CHL1: variants seen among roughly 807,000 people sequenced by gnomAD.
CHL1 encodes the protein cell adhesion molecule L1 like.
A neutral mutation model predicts 141.9 loss-of-function variants in CHL1; 96 were observed. The ratio of observed to expected loss-of-function variants is 0.68; its 90% CI spans 0.57 to 0.80. The LOEUF (loss-of-function observed/expected upper bound fraction) is 0.80. CHL1 is among the 30% of genes least tolerant of loss of function. CHL1 has a pLI of 0.00. For synonymous variants in CHL1, 613 were observed against 502.2 expected, an observed-to-expected ratio of 1.22 and a Z score of -2.95; for missense variants, 1,820 against 1,457.2, an observed-to-expected ratio of 1.25 and a Z score of -4.05.
chr3:390,784 G>T lies in CHL1; in HGVS notation c.2554G>T (p.Asp852Tyr), dbSNP rs1708155070. Residue 852 changes from aspartate (D) to tyrosine (Y), a missense_variant, in exon 21 of 28, where the codon GAC (aspartate) becomes TAC (tyrosine). Physicochemically the swap from Asp to Tyr is radical, Grantham distance 160 (BLOSUM62 -3). Transcript: ENST00000256509. ...AGTTACCTGGTCAACAGTTCCAAAG[G>T]ACAGAGTACATGGACGTCTGAAAGG... ...VKVTWSTVPK[D>Y]RVHGRLKGYQ... The T allele has an allele frequency of 1.2e-6, 2 of 1,610,870 alleles. No individual in the cohort carries two copies. The highest frequency in any genetic ancestry group is 1.7e-5 in the Admixed American group (1 of 60,012).
At chr3:283,815 C>T (rs902678234) in intron 2 of CHL1, among the ~76,000 whole-genome samples, 22 of 152,128 alleles carry the variant, frequency 1.4e-4, no homozygotes, top group Admixed American at 1.0e-3. Context: ...TAAAAACATC[C>T]GTGGGGGAAA....
intron 5 of CHL1, among the ~76,000 whole-genome samples, chr3:337,316 G>A (rs11923228): frequency 8.7e-5 from 13 of 150,144 alleles, no homozygotes; most frequent in Non-Finnish European, 1.8e-4. Context: ...TCAGCCTCCC[G>A]AGTAGCTGGG....
chr3:256,008 A>C (rs972810329), intron 2 of CHL1, among the ~76,000 whole-genome samples: 1 of 150,934 alleles, frequency 6.6e-6, no homozygotes, highest in African/African-American at 2.4e-5. Flanking sequence ...CCTGGGATTC[A>C]TGCTCCCATT....
At chr3:374,359 G>C (rs946320772) in intron 15 of CHL1, among the ~76,000 whole-genome samples, 1 of 152,104 alleles carries the variant, frequency 6.6e-6, no homozygotes, top group African/African-American at 2.4e-5. Flanking sequence ...CCGCTGATCT[G>C]CCAACTGCTC....
At chr3:342,898 A>T in intron 7 of CHL1, 86 bp from the exon 8 acceptor site, 1 of 1,103,020 alleles carries the variant, frequency 9.1e-7, no homozygotes, top group Non-Finnish European at 1.3e-6. Context: ...TAATTTTTCT[A>T]AGACAAAAAT....
At position 378,875 on chromosome 3, in the gene CHL1, A is replaced by C. The variant is rs1200156713; in HGVS notation, c.1876+933A>C. ...CTGAACATCCTGCCCACATCTTTTT[A>C]AAGACGTTTTATTAAAACATTTTGG... On this transcript the variant is annotated intron_variant, in intron 16 of 27. Transcript: ENST00000256509. Among the ~76,000 whole-genome samples the C allele has an allele frequency of 2.6e-5, 4 of 152,218 alleles. No individual in the cohort carries two copies. In the East Asian group the frequency reaches 7.7e-4, roughly 29 times the overall value.
chr3:344,241 A>T (rs950120939), intron 8 of CHL1, among the ~76,000 whole-genome samples: 19 of 152,218 alleles, frequency 1.2e-4, no homozygotes, highest in African/African-American at 4.1e-4. Flanking sequence ...AAACATAAAC[A>T]TAAAGTCATT....
chr3:396,110 T>C lies in CHL1; in HGVS notation c.3094+1238T>C, dbSNP rs145840083. Among the ~76,000 whole-genome samples, 207 of 152,264 alleles carry C rather than the reference T, an allele frequency of 1.4e-3. 1 individual carries two copies. The highest frequency in any genetic ancestry group is 4.4e-3 in the African/African-American group (183 of 41,562). ...TGGGAAAATTGTATAATCCAAATAA[T>C]TACTTCCCTAAAACTCACAAAGTAT... On this transcript the variant is annotated intron_variant, in intron 24 of 27. Coordinates refer to ENST00000256509, the MANE Select transcript of CHL1 (RefSeq NM_006614.4).
intron 10 of CHL1, among the ~76,000 whole-genome samples, chr3:353,095 G>A (rs565182701): frequency 7.2e-5 from 11 of 152,250 alleles, no homozygotes; most frequent in East Asian, 1.9e-4. Context: ...ATTGGATGAC[G>A]TGATAATTTG....
At chr3:395,432 T>A (rs1167821238) in intron 24 of CHL1, among the ~76,000 whole-genome samples, 1 of 152,200 alleles carries the variant, frequency 6.6e-6, no homozygotes, top group Non-Finnish European at 1.5e-5. Flanking sequence ...CACTTTTCTG[T>A]TTTTTTCTAC....
chr3:197,872 C>CTTTTCT (rs1698512157), intron 1 of CHL1: 1 of 321,300 alleles, frequency 3.1e-6, no homozygotes, highest in African/African-American at 2.5e-5. Context: ...CTTTCTCTCG[C>CTTTTCT]TTTTTTTTTT....
At chr3:233,344 T>G (rs1293977072) in intron 1 of CHL1, among the ~76,000 whole-genome samples, 1 of 152,100 alleles carries the variant, frequency 6.6e-6, no homozygotes, top group Admixed American at 6.6e-5. Context: ...CTGAGTTGCC[T>G]CTCTTGCTTT....
At chr3:383,074 T>A (rs1375093212) in intron 18 of CHL1, among the ~76,000 whole-genome samples, 3 of 152,176 alleles carry the variant, frequency 2.0e-5, no homozygotes, top group Admixed American at 2.0e-4. Flanking sequence ...TTTGAAAAAA[T>A]CTCAAGGATG....
chr3:404,904 A>G (rs770239294), intron 27 of CHL1, among the ~76,000 whole-genome samples: 13 of 152,184 alleles, frequency 8.5e-5, no homozygotes, highest in Non-Finnish European at 1.6e-4. Flanking sequence ...CAGGATTCTG[A>G]GAAGCCTAAG....
chr3:322,653 T>TATATATATTTTATATATATCTATAAA (rs1553564821), intron 3 of CHL1, among the ~76,000 whole-genome samples: 1 of 104,572 alleles, frequency 9.6e-6, no homozygotes, highest in African/African-American at 4.2e-5. Flanking sequence ...AAAATATATA[T>TATATATATTTTATATATATCTATAAA]ATATATATAT....
chr3:199,927 C>T (rs1374381389), intron 1 of CHL1, among the ~76,000 whole-genome samples: 1 of 152,142 alleles, frequency 6.6e-6, no homozygotes, highest in Non-Finnish European at 1.5e-5. Flanking sequence ...TGGGGAACTA[C>T]TGGTGTCAGA....
intron 1 of CHL1, among the ~76,000 whole-genome samples, chr3:200,367 A>G (rs1303064502): frequency 6.6e-6 from 1 of 152,178 alleles, no homozygotes; most frequent in East Asian, 1.9e-4. Context: ...ATTGAAATGC[A>G]AAGGTATAAT....
chr3:291,085 G>A (rs544303460), intron 2 of CHL1, among the ~76,000 whole-genome samples: 1 of 151,970 alleles, frequency 6.6e-6, no homozygotes, highest in African/African-American at 2.4e-5. Context: ...CATTAATATA[G>A]GACTTTTTTG....
chr3:235,336 A>C (rs542454251), intron 1 of CHL1, among the ~76,000 whole-genome samples: 18 of 152,296 alleles, frequency 1.2e-4, no homozygotes, highest in African/African-American at 4.3e-4. Flanking sequence ...TAACTTCTTC[A>C]TGCCTTAGTT....
Sources: allele counts gnomAD v4.1 joint callset (sites outside exome capture counted in the v4.1 genomes callset), GRCh38; gene constraint gnomAD v4.1.1; transcripts MANE v1.5; gene names NCBI Gene and HGNC (gene_info 2026-07-23, HGNC 2026-07-21).